The following TNR variants were observed in gnomAD, a reference collection of about 807,000 sequenced individuals.
TNR encodes the protein tenascin R.
TNR carries 45 observed loss-of-function variants against 150.4 expected under a neutral mutation model. That is an observed-to-expected ratio of 0.30 (90% CI 0.24 to 0.38). TNR has a LOEUF of 0.38. TNR is among the 10% of genes least tolerant of loss of function. The probability of loss-of-function intolerance (pLI) is 1.00; values close to 1 mark genes in which losing one functional copy is unlikely to be tolerated. For synonymous variants in TNR, 687 were observed against 678.4 expected, an observed-to-expected ratio of 1.01 and a Z score of -0.20; for missense variants, 1,544 against 1,759.1, an observed-to-expected ratio of 0.88 and a Z score of 2.19.
intron 2 of TNR, among the ~76,000 whole-genome samples, chr1:175,490,485 T>A (rs1658199724): frequency 6.6e-6 from 1 of 152,232 alleles, no homozygotes; most frequent in African/African-American, 2.4e-5. Context: ...CTGACGAAGG[T>A]CTAATATCCA....
At chr1:175,355,398 G>T (rs1250413342) in intron 17 of TNR, 105 bp downstream of exon 17, 18 of 1,471,482 alleles carry the variant, frequency 1.2e-5, no homozygotes, top group Non-Finnish European at 1.7e-5. Context: ...CTTGTGGATT[G>T]CTTCCTTCCC....
chr1:175,651,869 T>G (rs1226623067), intron 1 of TNR, among the ~76,000 whole-genome samples: 2 of 151,468 alleles, frequency 1.3e-5, no homozygotes, highest in South Asian at 4.1e-4. Context: ...CGTAACCAAA[T>G]AAGAGTTATT....
At chr1:175,616,605 C>T (rs1386533509) in intron 1 of TNR, among the ~76,000 whole-genome samples, 1 of 152,174 alleles carries the variant, frequency 6.6e-6, no homozygotes, top group Non-Finnish European at 1.5e-5. Flanking sequence ...GATCACGGGG[C>T]TCAGCACAGG....
intron 1 of TNR, among the ~76,000 whole-genome samples, chr1:175,547,677 A>G (rs1025244110): frequency 8.6e-5 from 13 of 151,896 alleles, no homozygotes; most frequent in African/African-American, 2.9e-4. Context: ...AAAGAAAGAG[A>G]GAGAGAAAGA....
chr1:175,565,251 G>A (rs1176972307), intron 1 of TNR, among the ~76,000 whole-genome samples: 2 of 152,154 alleles, frequency 1.3e-5, no homozygotes, highest in African/African-American at 4.8e-5. Context: ...GCTTCTTTCT[G>A]GGGCTCTTGT....
intron 2 of TNR, among the ~76,000 whole-genome samples, chr1:175,509,146 G>A (rs1382879321): frequency 6.6e-6 from 1 of 152,190 alleles, no homozygotes; most frequent in African/African-American, 2.4e-5. Flanking sequence ...TTTTGCTGGG[G>A]CAGTTGTTTC....
intron 1 of TNR, chr1:175,539,056 A>T (rs1199654555): frequency 6.6e-6 from 1 of 152,220 alleles, no homozygotes; most frequent in Non-Finnish European, 1.5e-5. Flanking sequence ...ACACATAATG[A>T]CTTTTTCATT....
intron 1 of TNR, among the ~76,000 whole-genome samples, chr1:175,732,252 T>A (rs1487826160): frequency 2.0e-5 from 3 of 152,244 alleles, no homozygotes; most frequent in Non-Finnish European, 4.4e-5. Flanking sequence ...TCATTTTTTG[T>A]GATGGCAGAT....
chr1:175,513,245 A>G (rs1659267474), intron 2 of TNR, among the ~76,000 whole-genome samples: 1 of 152,164 alleles, frequency 6.6e-6, no homozygotes, highest in Admixed American at 6.5e-5. Flanking sequence ...ATTGGGGGAA[A>G]TGTTGATTCA....
intron 1 of TNR, among the ~76,000 whole-genome samples, chr1:175,641,902 G>A (rs998481578): frequency 3.9e-5 from 6 of 152,184 alleles, no homozygotes; most frequent in African/African-American, 1.4e-4. Flanking sequence ...TCATGCCAAT[G>A]TACTTCGGTT....
intron 2 of TNR, among the ~76,000 whole-genome samples, chr1:175,463,981 C>T (rs183569460): frequency 2.0e-5 from 3 of 152,314 alleles, no homozygotes. Context: ...GTTTTAACCT[C>T]AGCATTCTTG....
chr1:175,516,052 C>T (rs1296993277), intron 2 of TNR, among the ~76,000 whole-genome samples: 1 of 152,164 alleles, frequency 6.6e-6, no homozygotes, highest in Middle Eastern at 3.2e-3. Context: ...TATATTGTTG[C>T]TGTCTGTTGT....
chr1:175,489,441 C>G (rs1658151713), intron 2 of TNR, among the ~76,000 whole-genome samples: 1 of 152,186 alleles, frequency 6.6e-6, no homozygotes. Context: ...ATTTGATCAT[C>G]CCAAACACCC....
intron 1 of TNR, among the ~76,000 whole-genome samples, chr1:175,670,947 G>A (rs900864804): frequency 6.6e-6 from 1 of 151,580 alleles, no homozygotes; most frequent in Non-Finnish European, 1.5e-5. Context: ...AGTGCTCTGT[G>A]GGGGGTAGGT....
chr1:175,316,139 T>C lies in TNR; in HGVS notation c.*7218A>G, dbSNP rs1648835089. 1 of 152,204 alleles carries C rather than the reference T, an allele frequency of 6.6e-6. No homozygotes were observed. The highest frequency in any genetic ancestry group is 1.5e-5 in the Non-Finnish European group (1 of 68,046). The allele number at this position is 152,204 out of a possible 1,614,324, so 9.4% of individuals were successfully genotyped here. ...CAATTAAAGGGAAGGGGTTTATGTC[T>C]GGAGTTTTGGCCTGGCAGCTAAAAA... On this transcript the variant is annotated 3_prime_UTR_variant, in exon 23 of 23. Coordinates refer to ENST00000367674, the MANE Select transcript of TNR (RefSeq NM_003285.3).
chr1:175,653,404 C>T, intron 1 of TNR, among the ~76,000 whole-genome samples: 1 of 152,120 alleles, frequency 6.6e-6, no homozygotes, highest in East Asian at 1.9e-4. Context: ...AAGTATATTG[C>T]ACCATATCAA....
chr1:175,594,744 A>T (rs1256192931), intron 1 of TNR, among the ~76,000 whole-genome samples: 1 of 151,716 alleles, frequency 6.6e-6, no homozygotes. Context: ...AGTCCCAGCT[A>T]CTCAGGAGGC....
intron 2 of TNR, among the ~76,000 whole-genome samples, chr1:175,468,975 G>C (rs1275490850): frequency 6.6e-6 from 1 of 152,156 alleles, no homozygotes; most frequent in Non-Finnish European, 1.5e-5. Flanking sequence ...GGGGAGGGCA[G>C]ACTTGAGAGA....
intron 1 of TNR, among the ~76,000 whole-genome samples, chr1:175,617,144 G>T (rs1015728115): frequency 6.6e-6 from 1 of 152,120 alleles, no homozygotes; most frequent in Non-Finnish European, 1.5e-5. Flanking sequence ...GGATTCAATG[G>T]CATGGTTAGA....
Sources: gnomAD v4.1 joint callset for allele counts (sites outside exome capture counted in the v4.1 genomes callset) on GRCh38, gnomAD v4.1.1 for gene constraint, MANE v1.5 for transcripts, NCBI Gene and HGNC (gene_info 2026-07-23, HGNC 2026-07-21) for gene names.